MACROD2: variants seen among roughly 807,000 people sequenced by gnomAD.
MACROD2 encodes ADP-ribose glycohydrolase MACROD2.
In MACROD2, 36 loss-of-function variants were observed where a neutral mutation model predicts 70.4. The observed-to-expected ratio is 0.51, with a 90% CI of 0.39 to 0.68. The LOEUF (loss-of-function observed/expected upper bound fraction) is 0.68. Ranked by LOEUF, MACROD2 falls within the 30% of genes least tolerant of loss-of-function variation. The pLI, the probability that MACROD2 is intolerant of heterozygous loss-of-function variation, is 0.00. For missense variants in MACROD2, 496 were observed against 538.4 expected, an observed-to-expected ratio of 0.92 and a Z score of 0.78; for synonymous variants, 172 against 178.8, an observed-to-expected ratio of 0.96 and a Z score of 0.30.
intron 4 of MACROD2, among the ~76,000 whole-genome samples, chr20:14,588,462 G>A (rs902213444): frequency 6.6e-6 from 1 of 152,002 alleles, no homozygotes; most frequent in Non-Finnish European, 1.5e-5. Context: ...GCTACTCTTT[G>A]TCTTGCTATT....
intron 13 of MACROD2, among the ~76,000 whole-genome samples, chr20:15,982,507 G>A (rs761437691): frequency 3.3e-5 from 5 of 152,174 alleles, no homozygotes; most frequent in Admixed American, 6.5e-5. Context: ...GGGGCTTGTC[G>A]TCTTTTTCAG....
At chr20:14,265,072 C>A (rs567483642) in intron 3 of MACROD2, among the ~76,000 whole-genome samples, 12 of 152,214 alleles carry the variant, frequency 7.9e-5, no homozygotes, top group Non-Finnish European at 5.9e-5. Flanking sequence ...TCTGTTCCTC[C>A]CTCTGCTGTT....
chr20:15,386,525 A>G lies in MACROD2; in HGVS notation c.541-44880A>G, dbSNP rs192046021. ...GATTTCAATGGAAGTCACTAAAAGT[A>G]CTATTGAGATAGTCAGGACCCTGGA... is the stretch of plus-strand genomic sequence containing the variant. On this transcript the variant is annotated intron_variant, in intron 6 of 17. Transcript: ENST00000684519. Among the ~76,000 whole-genome samples, 14 of 152,344 alleles carry G rather than the reference A, an allele frequency of 9.2e-5. No individual in the cohort carries two copies. In the East Asian group the frequency reaches 2.5e-3, roughly 27 times the overall value.
chr20:14,771,537 G>A (rs920599631), intron 5 of MACROD2, among the ~76,000 whole-genome samples: 4 of 151,638 alleles, frequency 2.6e-5, no homozygotes, highest in African/African-American at 9.7e-5. Context: ...TAATATGTGT[G>A]TGACACATTT....
In MACROD2 at chr20:14,799,599, G is replaced by A. The variant is rs571028772; in HGVS notation, c.418+114640G>A. Among the ~76,000 whole-genome samples, 4 of 152,154 alleles carry A rather than the reference G, an allele frequency of 2.6e-5. No homozygotes were observed. In the East Asian group the frequency reaches 5.8e-4, roughly 22 times the overall value. Reference sequence around the variant, plus strand: ...ATGGCATTGCCGCTAATGTGTTTAAGTTTAAAATAATAATTTAGATGTCTT... The same window carrying A: ...ATGGCATTGCCGCTAATGTGTTTAAATTTAAAATAATAATTTAGATGTCTT... On this transcript the variant is annotated intron_variant, in intron 5 of 17. Coordinates refer to ENST00000684519, the MANE Select transcript of MACROD2 (RefSeq NM_001351661.2).
At chr20:14,766,315 G>T (rs1395866028) in intron 5 of MACROD2, among the ~76,000 whole-genome samples, 1 of 152,016 alleles carries the variant, frequency 6.6e-6, no homozygotes, top group African/African-American at 2.4e-5. Context: ...CTCTGGCATG[G>T]TCCTTCTGTC....
intron 8 of MACROD2, among the ~76,000 whole-genome samples, chr20:15,707,304 T>C (rs147275806): frequency 6.6e-6 from 1 of 152,196 alleles, no homozygotes; most frequent in Non-Finnish European, 1.5e-5. Context: ...GTAACTAAAG[T>C]CCTGATAACT....
intron 4 of MACROD2, among the ~76,000 whole-genome samples, chr20:14,509,305 C>T (rs1215721515): frequency 6.6e-6 from 1 of 151,932 alleles, no homozygotes; most frequent in Non-Finnish European, 1.5e-5. Flanking sequence ...AAATCATTAA[C>T]TGTAATGTGC....
At chr20:14,968,339 C>T (rs116533765) in intron 5 of MACROD2, among the ~76,000 whole-genome samples, 1,643 of 152,160 alleles carry the variant, frequency 0.011, 28 homozygotes, top group African/African-American at 0.038. Flanking sequence ...CTGTGTGGTC[C>T]TTTCTCAATT....
intron 5 of MACROD2, among the ~76,000 whole-genome samples, chr20:14,801,189 C>T (rs967405929): frequency 2.6e-5 from 4 of 152,166 alleles, no homozygotes; most frequent in Non-Finnish European, 5.9e-5. Flanking sequence ...TAGTTGAGAT[C>T]ATGCTTTATA....
chr20:15,486,324 G>A (rs955334008), intron 7 of MACROD2, among the ~76,000 whole-genome samples: 7 of 152,146 alleles, frequency 4.6e-5, no homozygotes, highest in Non-Finnish European at 2.9e-5. Context: ...GGCCTACTGT[G>A]CACAACAGCA....
chr20:15,554,159 T>C (rs1323319811), intron 8 of MACROD2, among the ~76,000 whole-genome samples: 1 of 152,170 alleles, frequency 6.6e-6, no homozygotes, highest in Non-Finnish European at 1.5e-5. Flanking sequence ...TTAGTACTTA[T>C]TTGGTATGAG....
At chr20:15,766,533 G>T (rs538147005) in intron 8 of MACROD2, among the ~76,000 whole-genome samples, 2 of 152,226 alleles carry the variant, frequency 1.3e-5, no homozygotes, top group Non-Finnish European at 2.9e-5. Flanking sequence ...TTCTTGGCCA[G>T]CTGCTAAGGA....
chr20:15,220,823 A>G (rs1409300629), intron 5 of MACROD2, among the ~76,000 whole-genome samples: 1 of 152,184 alleles, frequency 6.6e-6, no homozygotes, highest in Non-Finnish European at 1.5e-5. Context: ...AAAAGCACAG[A>G]CCTGTTTGGT....
chr20:15,632,975 G>A (rs2049313176), intron 8 of MACROD2, among the ~76,000 whole-genome samples: 1 of 144,280 alleles, frequency 6.9e-6, no homozygotes, highest in Admixed American at 7.1e-5. Context: ...CCTTCTATCT[G>A]TTCATCTCCC....
chr20:14,582,401 A>G (rs1981090161), intron 4 of MACROD2, among the ~76,000 whole-genome samples: 1 of 151,986 alleles, frequency 6.6e-6, no homozygotes, highest in African/African-American at 2.4e-5. Context: ...TGCTGCCCTT[A>G]TTATCCTCTG....
At chr20:14,833,650 G>T (rs182661038) in intron 5 of MACROD2, among the ~76,000 whole-genome samples, 1 of 151,660 alleles carries the variant, frequency 6.6e-6, no homozygotes, top group Admixed American at 6.6e-5. Flanking sequence ...CAATTATTTC[G>T]ATTTTACTCT....
Position 14,852,991 on chromosome 20 carries a change from C to A in MACROD2, c.418+168032C>A, listed in dbSNP as rs150886593. ...AGCAAAAGTAGCCCTTTACTGTAGT[C>A]TGATGAATGTTGCCGTGTAGGAATG... On this transcript the variant is annotated intron_variant, in intron 5 of 17. Transcript: ENST00000684519. Among the ~76,000 whole-genome samples, 183 of 152,198 alleles carry A rather than the reference C, an allele frequency of 1.2e-3. 1 individual carries two copies. Among genetic ancestry groups the A allele is most frequent in the East Asian group, 4.3e-3 (22 of 5,158 alleles).
chr20:15,424,578 G>C (rs1330009842), intron 6 of MACROD2, among the ~76,000 whole-genome samples: 1 of 152,160 alleles, frequency 6.6e-6, no homozygotes, highest in African/African-American at 2.4e-5. Context: ...AAATTAGCCA[G>C]ATGTGGTGAT....
Sources: gnomAD v4.1 joint callset for allele counts (sites outside exome capture counted in the v4.1 genomes callset) on GRCh38, gnomAD v4.1.1 for gene constraint, MANE v1.5 for transcripts, NCBI Gene and HGNC (gene_info 2026-07-23, HGNC 2026-07-21) for gene names.